The following UBAP2 variants were observed in gnomAD, a reference collection of about 807,000 sequenced individuals.
UBAP2 encodes ubiquitin-associated protein 2.
UBAP2 carries 75 observed loss-of-function variants against 139.6 expected under a neutral mutation model. That is an observed-to-expected ratio of 0.54 (90% CI 0.45 to 0.65). The LOEUF is 0.65. Among genes scored for constraint, UBAP2 ranks in the 30% least tolerant of loss-of-function variants. The pLI, the probability that UBAP2 is intolerant of heterozygous loss-of-function variation, is 0.00. For synonymous variants in UBAP2, 526 were observed against 526.2 expected (o/e 1.00, Z 0.01); for missense variants, 1,368 against 1,369.6 (o/e 1.00, Z 0.02).
chr9:34,007,643 T>C (rs1468714963), intron 2 of UBAP2, among the ~76,000 whole-genome samples: 1 of 87,864 alleles, frequency 1.1e-5, no homozygotes, highest in Non-Finnish European at 3.0e-5. Context: ...GTATGTTTTA[T>C]TTTTATTTTT....
intron 10 of UBAP2, among the ~76,000 whole-genome samples, chr9:33,958,856 A>C (rs910658055): frequency 2.6e-5 from 4 of 151,766 alleles, no homozygotes; most frequent in African/African-American, 9.7e-5. Flanking sequence ...TAGTCTCTAA[A>C]ATTAAAAAAA....
intron 14 of UBAP2, among the ~76,000 whole-genome samples, 158 bp from the exon 15 acceptor site, chr9:33,943,747 GAGAA>G (rs926617090): frequency 3.3e-5 from 5 of 151,990 alleles, no homozygotes; most frequent in African/African-American, 9.7e-5. Flanking sequence ...TTTCTAAAAA[GAGAA>G]AGAAAAAAAA....
intron 16 of UBAP2, among the ~76,000 whole-genome samples, chr9:33,937,949 C>T (rs996183974): frequency 1.3e-5 from 2 of 151,990 alleles, no homozygotes; most frequent in African/African-American, 2.4e-5. Context: ...ACACACACTA[C>T]ATTACACACA....
chr9:34,034,800 G>A (rs901874136), intron 1 of UBAP2, among the ~76,000 whole-genome samples: 6 of 152,102 alleles, frequency 3.9e-5, no homozygotes, highest in Non-Finnish European at 7.3e-5. Context: ...TTCAACCTGG[G>A]AGGCGGAGGT....
chr9:34,042,248 G>A (rs897432272), intron 1 of UBAP2, among the ~76,000 whole-genome samples: 7 of 151,138 alleles, frequency 4.6e-5, no homozygotes, highest in Non-Finnish European at 5.9e-5. Context: ...GGGAGCTCAG[G>A]TGGGCGGATC....
chr9:34,011,796 A>T (rs1823768334), intron 2 of UBAP2: 1 of 263,492 alleles, frequency 3.8e-6, no homozygotes, highest in African/African-American at 2.3e-5. Flanking sequence ...TATCTTGCCA[A>T]GAAAAGTACC....
Position 34,016,370 on chromosome 9 carries a change from C to CGGCGGCGGTGGTGGT in UBAP2, c.99+679_99+680insACCACCACCGCCGCC, listed in dbSNP as rs1321174650. ...GAGGAGGCAGCAGCGGCGGCAGCGGCGGTGGTGGTGGTGGTGGTGGTGGTG... is the reference window on the plus strand; with the variant it reads ...GAGGAGGCAGCAGCGGCGGCAGCGGCGGCGGCGGTGGTGGTGGTGGTGGTGGTGGTGGTGGTGGTG... On this transcript the variant is annotated intron_variant, in intron 2 of 28. Coordinates refer to ENST00000379238, the MANE Select transcript of UBAP2 (RefSeq NM_001370062.2). Among the ~76,000 whole-genome samples the CGGCGGCGGTGGTGGT allele has an allele frequency of 2.1e-4, 20 of 93,734 alleles. 2 individuals are homozygous for CGGCGGCGGTGGTGGT. Among genetic ancestry groups the CGGCGGCGGTGGTGGT allele is most frequent in the African/African-American group, 9.2e-4 (19 of 20,546 alleles). The allele number at this position is 93,734 out of a possible 152,430, so 61.5% of individuals were successfully genotyped here. A position where few individuals can be genotyped will look rare whatever the true frequency, so the allele number is the denominator to read the frequency against.
chr9:33,970,126 G>A (rs2131048878), intron 8 of UBAP2, among the ~76,000 whole-genome samples: 1 of 150,838 alleles, frequency 6.6e-6, no homozygotes, highest in South Asian at 2.1e-4. Context: ...CAGAGACGGA[G>A]TTTCACCATG....
At chr9:33,994,706 G>A (rs1822003552) in intron 4 of UBAP2, 1 of 150,310 alleles carries the variant, frequency 6.7e-6, no homozygotes, top group South Asian at 2.1e-4. Context: ...TTTGTCTTGT[G>A]TACCAGTGTT....
chr9:33,939,748 AGGGGGG>A (rs1193220378), intron 16 of UBAP2, among the ~76,000 whole-genome samples: 3 of 44,466 alleles, frequency 6.7e-5, no homozygotes, highest in Non-Finnish European at 1.3e-4. Context: ...GGGAGGGAGA[AGGGGGG>A]GAGGGGGAGG....
At chr9:34,034,899 G>A (rs1240021978) in intron 1 of UBAP2, among the ~76,000 whole-genome samples, 3 of 149,716 alleles carry the variant, frequency 2.0e-5, no homozygotes, top group South Asian at 2.1e-4. Context: ...AAAAAAAAAC[G>A]AATCGCTCAA....
chr9:34,013,066 A>C (rs1335391148), intron 2 of UBAP2, among the ~76,000 whole-genome samples: 4 of 149,712 alleles, frequency 2.7e-5, no homozygotes. Context: ...AGGCAGGAGA[A>C]TCACTTGAAC....
chr9:34,014,157 T>C (rs1824027584), intron 2 of UBAP2, among the ~76,000 whole-genome samples: 1 of 151,428 alleles, frequency 6.6e-6, no homozygotes, highest in African/African-American at 2.4e-5. Flanking sequence ...AAACTTCATC[T>C]CTACTAAAAA....
chr9:34,022,029 G>A (rs1564067428), intron 1 of UBAP2, among the ~76,000 whole-genome samples: 1 of 152,170 alleles, frequency 6.6e-6, no homozygotes, highest in Non-Finnish European at 1.5e-5. Flanking sequence ...CAGATCACCT[G>A]ATGACAGGAG....
intron 2 of UBAP2, among the ~76,000 whole-genome samples, chr9:34,003,598 G>T (rs1026448908): frequency 7.9e-5 from 12 of 151,942 alleles, no homozygotes; most frequent in African/African-American, 2.9e-4. Context: ...GTACAGATGC[G>T]GTTTCACCAT....
chr9:33,981,845 A>AAGCG (rs1820793982), intron 6 of UBAP2, among the ~76,000 whole-genome samples: 1 of 115,444 alleles, frequency 8.7e-6, no homozygotes, highest in African/African-American at 3.7e-5. Context: ...GAAGGGGGGA[A>AAGCG]AGGGAGGGAG....
chr9:33,981,247 T>TATATATATATATTCTGG (rs1587607899), intron 6 of UBAP2, among the ~76,000 whole-genome samples: 2 of 108,640 alleles, frequency 1.8e-5, no homozygotes, highest in East Asian at 2.4e-4. Context: ...ATATTCTGGA[T>TATATATATATATTCTGG]ATATATATAT....
At chr9:33,946,596 C>T (rs562662327) in intron 13 of UBAP2, among the ~76,000 whole-genome samples, 21 of 152,272 alleles carry the variant, frequency 1.4e-4, no homozygotes, top group African/African-American at 4.6e-4. Context: ...TGTCTCATCA[C>T]GTTGCCCAGG....
chr9:33,945,518 C>T (rs1026956054), intron 13 of UBAP2, among the ~76,000 whole-genome samples: 3 of 151,798 alleles, frequency 2.0e-5, no homozygotes, highest in Admixed American at 2.0e-4. Context: ...AAAACAAAAT[C>T]CAATAGATAC....
Sources: gnomAD v4.1 joint callset for allele counts (sites outside exome capture counted in the v4.1 genomes callset) on GRCh38, gnomAD v4.1.1 for gene constraint, MANE v1.5 for transcripts, NCBI Gene and HGNC (gene_info 2026-07-23, HGNC 2026-07-21) for gene names.